RBFOX3: variants seen among roughly 807,000 people sequenced by gnomAD.
RBFOX3 encodes RNA binding fox-1 homolog 3.
In RBFOX3, 17 loss-of-function variants were observed where a neutral mutation model predicts 48.7. That is an observed-to-expected ratio of 0.35 (90% confidence interval 0.24 to 0.52). The LOEUF is 0.52. RBFOX3 is among the 20% of genes least tolerant of loss of function. The probability of loss-of-function intolerance (pLI) is 0.94; values close to 1 mark genes in which losing one functional copy is unlikely to be tolerated. For missense variants in RBFOX3, 382 were observed against 497.5 expected, an observed-to-expected ratio of 0.77 and a Z score of 2.21; for synonymous variants, 212 against 209.5, an observed-to-expected ratio of 1.01 and a Z score of -0.10.
chr17:79,360,826 C>CTTT (rs71365558), intron 2 of RBFOX3, among the ~76,000 whole-genome samples: 2 of 145,708 alleles, frequency 1.4e-5, no homozygotes, highest in African/African-American at 2.5e-5. Context: ...GATCAAATTC[C>CTTT]TTTTTTTTTT....
At chr17:79,498,130 C>T (rs1476543392) in intron 1 of RBFOX3, among the ~76,000 whole-genome samples, 1 of 152,206 alleles carries the variant, frequency 6.6e-6, no homozygotes, top group African/African-American at 2.4e-5. Context: ...CAGACTGAGG[C>T]CTGGCAGAGA....
chr17:79,282,215 C>T (rs12946426), intron 3 of RBFOX3, among the ~76,000 whole-genome samples: 1 of 151,940 alleles, frequency 6.6e-6, no homozygotes, highest in Non-Finnish European at 1.5e-5. Context: ...AGGAGACTTT[C>T]CCACAAACGA....
chr17:79,131,877 G>T (rs1352881536), intron 4 of RBFOX3, among the ~76,000 whole-genome samples: 1 of 152,138 alleles, frequency 6.6e-6, no homozygotes, highest in Non-Finnish European at 1.5e-5. Flanking sequence ...TCCCTGCTCA[G>T]GTCAGCACAG....
At chr17:79,119,548 C>A (rs1283301028) in intron 4 of RBFOX3, among the ~76,000 whole-genome samples, 1 of 152,172 alleles carries the variant, frequency 6.6e-6, no homozygotes, top group African/African-American at 2.4e-5. Flanking sequence ...CACAGCCAAG[C>A]ATCGGGGTCT....
the RBFOX3 span, among the ~76,000 whole-genome samples, chr17:79,654,101 T>A: frequency 0.024 from 3,592 of 152,016 alleles, 446 homozygotes; most frequent in East Asian, 0.39. Context: ...AACAAGGGCA[T>A]GAAAGAAAGA....
intron 4 of RBFOX3, among the ~76,000 whole-genome samples, chr17:79,164,411 T>G (rs1337705808): frequency 6.6e-6 from 1 of 152,146 alleles, no homozygotes; most frequent in Non-Finnish European, 1.5e-5. Context: ...TCCTTGGCTG[T>G]GCAGTCCGCA....
chr17:79,341,809 G>A (rs919467928), intron 2 of RBFOX3, among the ~76,000 whole-genome samples: 9 of 152,310 alleles, frequency 5.9e-5, no homozygotes, highest in African/African-American at 1.9e-4. Context: ...CATAAACCAT[G>A]TGCCCCTGCA....
intron 1 of RBFOX3, among the ~76,000 whole-genome samples, chr17:79,580,599 A>G (rs2093026507): frequency 6.6e-6 from 1 of 152,146 alleles, no homozygotes; most frequent in African/African-American, 2.4e-5. Flanking sequence ...GTTCCGCTGC[A>G]GTAACAAACA....
At chr17:79,332,751 A>G (rs1453571150) in intron 2 of RBFOX3, among the ~76,000 whole-genome samples, 3 of 151,536 alleles carry the variant, frequency 2.0e-5, no homozygotes, top group Non-Finnish European at 4.4e-5. Context: ...AGAGACACAG[A>G]GAGAGACAGA....
At chr17:79,332,526 G>C (rs896138901) in intron 2 of RBFOX3, among the ~76,000 whole-genome samples, 2 of 149,920 alleles carry the variant, frequency 1.3e-5, no homozygotes, top group Non-Finnish European at 2.9e-5. Flanking sequence ...ACATGAGTGA[G>C]GGGCAGCCAG....
At chr17:79,605,255 G>A (rs1407326766) in intron 1 of RBFOX3, among the ~76,000 whole-genome samples, 3 of 152,138 alleles carry the variant, frequency 2.0e-5, no homozygotes, top group Non-Finnish European at 2.9e-5. Context: ...AGGATTCTCC[G>A]CTCTGGCACA....
chr17:79,543,876 G>A (rs1379226262), intron 1 of RBFOX3, among the ~76,000 whole-genome samples: 1 of 150,302 alleles, frequency 6.7e-6, no homozygotes, highest in Non-Finnish European at 1.5e-5. Flanking sequence ...AGGGTGGGCC[G>A]AATGGGGCAA....
intron 4 of RBFOX3, among the ~76,000 whole-genome samples, chr17:79,225,545 C>T (rs2060216340): frequency 6.6e-6 from 1 of 152,220 alleles, no homozygotes; most frequent in African/African-American, 2.4e-5. Context: ...CCCACCTCAG[C>T]CTCCCAAAGT....
rs1169945897 is a variant in RBFOX3, at chr17:79,477,430, C to T, written c.-175+5024G>A. Among the ~76,000 whole-genome samples the T allele has an allele frequency of 2.0e-5, 3 of 151,898 alleles. No homozygotes were observed. Among genetic ancestry groups the T allele is most frequent in the East Asian group, 3.9e-4 (2 of 5,162 alleles). ...CATTAGCCAGACGTGGTGGCGGGCG[C>T]CTGTAGTCCCAGCTACTTGGGAGGC... On this transcript the variant is annotated intron_variant, in intron 2 of 14. Transcript: ENST00000693108. The surrounding 1 kb of genome is among the most constrained non-coding windows in gnomAD (Gnocchi z 4.8).
intron 3 of RBFOX3, among the ~76,000 whole-genome samples, chr17:79,251,711 T>A (rs775936055): frequency 5.3e-5 from 8 of 151,794 alleles, no homozygotes; most frequent in Admixed American, 1.3e-4. Context: ...GCCAGACGAG[T>A]CGGCTGCATG....
chr17:79,646,682 G>A, the RBFOX3 span, among the ~76,000 whole-genome samples: 2 of 152,038 alleles, frequency 1.3e-5, no homozygotes, highest in Non-Finnish European at 2.9e-5. Context: ...GATTTGGGTG[G>A]GGGCACAGCC....
chr17:79,409,060 T>C (rs776044286), intron 2 of RBFOX3, among the ~76,000 whole-genome samples: 2 of 152,204 alleles, frequency 1.3e-5, no homozygotes, highest in Non-Finnish European at 2.9e-5. Context: ...TGGATTTACC[T>C]ACCCTGGGTA....
At chr17:79,090,967 CG>C in intron 14 of RBFOX3, 82 bp from the exon 15 acceptor site, 1 of 1,384,532 alleles carries the variant, frequency 7.2e-7, no homozygotes, top group South Asian at 1.3e-5. Context: ...CCACGTGGCA[CG>C]GGGCCCCTGG....
chr17:79,154,769 G>A (rs1181687758), intron 4 of RBFOX3, among the ~76,000 whole-genome samples: 4 of 152,260 alleles, frequency 2.6e-5, no homozygotes, highest in African/African-American at 9.6e-5. Flanking sequence ...CTCTGAGGAA[G>A]GGGAGGCTGT....
Sources: gnomAD v4.1 joint callset for allele counts (sites outside exome capture counted in the v4.1 genomes callset) on GRCh38, gnomAD v4.1.1 for gene constraint, Gnocchi (gnomAD v3.1) non-coding constraint, MANE v1.5 for transcripts, NCBI Gene and HGNC (gene_info 2026-07-23, HGNC 2026-07-21) for gene names.